CADM2: variants seen among roughly 807,000 people sequenced by gnomAD.
The protein encoded by CADM2 is cell adhesion molecule 2.
A neutral mutation model predicts 49.8 loss-of-function variants in CADM2; 12 were observed. That is an observed-to-expected ratio of 0.24 (90% CI 0.15 to 0.39). The LOEUF (loss-of-function observed/expected upper bound fraction) is 0.39. Among genes scored for constraint, CADM2 ranks in the 10% least tolerant of loss-of-function variants. The pLI, the probability that CADM2 is intolerant of heterozygous loss-of-function variation, is 1.00. For missense variants in CADM2, 378 were observed against 492.3 expected (o/e 0.77, Z 2.20); for synonymous variants, 214 against 175.4 (o/e 1.22, Z -1.74).
At chr3:85,977,494 A>G (rs2108658627) in intron 8 of CADM2, among the ~76,000 whole-genome samples, 1 of 151,676 alleles carries the variant, frequency 6.6e-6, no homozygotes, top group East Asian at 1.9e-4. Flanking sequence ...TTTGCTAACA[A>G]GGTATTATTT....
intron 1 of CADM2, among the ~76,000 whole-genome samples, chr3:85,661,857 T>A (rs1400185616): frequency 6.6e-6 from 1 of 152,032 alleles, no homozygotes; most frequent in Non-Finnish European, 1.5e-5. Context: ...AATAACAATT[T>A]TAAGTTTTAA....
intron 3 of CADM2, among the ~76,000 whole-genome samples, chr3:85,814,324 C>T (rs764822390): frequency 3.9e-5 from 6 of 152,008 alleles, no homozygotes; most frequent in Non-Finnish European, 7.4e-5. Context: ...GGAGTTCACT[C>T]ATGATTTGGT....
chr3:85,589,819 A>G (rs1320438843), intron 1 of CADM2, among the ~76,000 whole-genome samples: 1 of 152,060 alleles, frequency 6.6e-6, no homozygotes, highest in Non-Finnish European at 1.5e-5. Flanking sequence ...AAGAACAGTG[A>G]TCATTAAGAA....
intron 1 of CADM2, among the ~76,000 whole-genome samples, chr3:85,611,637 G>A (rs1249383484): frequency 6.6e-6 from 1 of 151,574 alleles, no homozygotes; most frequent in African/African-American, 2.4e-5. Flanking sequence ...GAAGAGCTTT[G>A]GAGGCTTAAC....
At chr3:85,810,643 G>A (rs1463547729) in intron 3 of CADM2, among the ~76,000 whole-genome samples, 1 of 145,990 alleles carries the variant, frequency 6.8e-6, no homozygotes, top group Non-Finnish European at 1.5e-5. Flanking sequence ...AGGTTCAGGT[G>A]ATTCTCCTGC....
chr3:85,233,766 G>A (rs757215644), intron 1 of CADM2, among the ~76,000 whole-genome samples: 2 of 151,998 alleles, frequency 1.3e-5, no homozygotes, highest in African/African-American at 2.4e-5. Flanking sequence ...AAATATTGCA[G>A]ATTATAATGT....
At chr3:85,451,388 T>C (rs967857301) in intron 1 of CADM2, among the ~76,000 whole-genome samples, 1 of 152,140 alleles carries the variant, frequency 6.6e-6, no homozygotes, top group African/African-American at 2.4e-5. Flanking sequence ...TATATTTAAA[T>C]GACCTTTTCG....
At chr3:85,042,770 A>G (rs1427635462) in intron 1 of CADM2, among the ~76,000 whole-genome samples, 1 of 152,162 alleles carries the variant, frequency 6.6e-6, no homozygotes, top group African/African-American at 2.4e-5. Flanking sequence ...GATGTAAGAA[A>G]GGTATTATAA....
At chr3:85,418,061 G>GT (rs2035994467) in intron 1 of CADM2, among the ~76,000 whole-genome samples, 2 of 151,902 alleles carry the variant, frequency 1.3e-5, no homozygotes, top group African/African-American at 4.8e-5. Context: ...AACATTATTT[G>GT]TTTTTTCAGT....
rs1729441697 is a variant in CADM2 at position 85,996,516 on chromosome 3, T to A, written c.970+34869T>A. Reference sequence around the variant, plus strand: ...TCCAATTTACTATTCTGTAAATCCTTCTTCATAGTACAACAGTTAATTTAG... The same window carrying A: ...TCCAATTTACTATTCTGTAAATCCTACTTCATAGTACAACAGTTAATTTAG... On this transcript the variant is annotated intron_variant, in intron 8 of 9. Transcript: ENST00000383699. Among the ~76,000 whole-genome samples, 2 of 152,062 alleles carry A rather than the reference T, an allele frequency of 1.3e-5. 1 individual carries two copies. The highest frequency in any genetic ancestry group is 4.1e-4 in the South Asian group (2 of 4,836).
chr3:85,973,704 TA>T (rs1726439955), intron 8 of CADM2, among the ~76,000 whole-genome samples: 1 of 151,908 alleles, frequency 6.6e-6, no homozygotes, highest in Admixed American at 6.6e-5. Flanking sequence ...CGCACATTTT[TA>T]ATTTGTGTTT....
intron 3 of CADM2, among the ~76,000 whole-genome samples, chr3:85,806,650 G>A (rs535091422): frequency 1.3e-5 from 2 of 152,042 alleles, no homozygotes; most frequent in Admixed American, 6.6e-5. Context: ...CATGAGCATT[G>A]CTTGAACCCA....
At chr3:85,147,952 A>T (rs527636277) in intron 1 of CADM2, among the ~76,000 whole-genome samples, 1 of 152,328 alleles carries the variant, frequency 6.6e-6, no homozygotes, top group South Asian at 2.1e-4. Context: ...TAATTCATAT[A>T]ACTTGGAAAT....
chr3:86,009,090 A>C (rs1031792645), intron 8 of CADM2, among the ~76,000 whole-genome samples: 1 of 122,990 alleles, frequency 8.1e-6, no homozygotes, highest in African/African-American at 2.8e-5. Context: ...ACTTGGTGTT[A>C]TAGTGTGTGT....
chr3:85,627,515 C>G (rs1349925716), intron 1 of CADM2, among the ~76,000 whole-genome samples: 1 of 151,922 alleles, frequency 6.6e-6, no homozygotes, highest in Non-Finnish European at 1.5e-5. Context: ...TTTGAAAAGA[C>G]AGTTTGAATC....
intron 1 of CADM2, among the ~76,000 whole-genome samples, chr3:85,725,830 G>T (rs1384488494): frequency 6.6e-6 from 1 of 151,952 alleles, no homozygotes; most frequent in Non-Finnish European, 1.5e-5. Flanking sequence ...ATTTGGCTTT[G>T]TAGAACTGAT....
rs1214315485 is a variant in CADM2, at chr3:85,568,480, T to A, written c.62-158042T>A. Among the ~76,000 whole-genome samples, 4 of 56,100 alleles carry A rather than the reference T, an allele frequency of 7.1e-5. No individual in the cohort carries two copies. In the Admixed American group the frequency reaches 7.2e-4, roughly 10 times the overall value. 36.8% of individuals were successfully genotyped at this position (56,100 alleles called of 152,430 possible). On this transcript the variant is annotated intron_variant, in intron 1 of 9. Coordinates refer to ENST00000383699, the MANE Select transcript of CADM2 (RefSeq NM_001167675.2). ...CTTTCTTTCTCTTTCTCTCTCTTTC[T>A]TTCTTTCTTTCTTTCTTTCTTTCTT...
chr3:85,509,697 TAATA>T (rs2040523015), intron 1 of CADM2, among the ~76,000 whole-genome samples: 1 of 152,056 alleles, frequency 6.6e-6, no homozygotes, highest in Non-Finnish European at 1.5e-5. Context: ...TGTGTGACAA[TAATA>T]AATAGTTATA....
chr3:85,608,954 A>G (rs1431140495), intron 1 of CADM2, among the ~76,000 whole-genome samples: 1 of 152,152 alleles, frequency 6.6e-6, no homozygotes, highest in South Asian at 2.1e-4. Flanking sequence ...AATCAAGTCC[A>G]TATTTTCCAA....
Sources: allele counts gnomAD v4.1 joint callset (sites outside exome capture counted in the v4.1 genomes callset), GRCh38; gene constraint gnomAD v4.1.1; transcripts MANE v1.5; gene names NCBI Gene and HGNC (gene_info 2026-07-23, HGNC 2026-07-21).